Variants in ZNF784 observed in about 807,000 individuals in gnomAD.
The protein encoded by ZNF784 is zinc finger protein 784.
Under a neutral mutation model 3.3 loss-of-function variants are expected in ZNF784, and 5 were observed. That is an observed-to-expected ratio of 1.53 (90% CI 0.80 to 3.22). ZNF784 has a LOEUF of 3.22. Among genes scored for constraint, ZNF784 ranks in the 30% most tolerant of loss-of-function variants. The pLI is 0.00. For missense variants in ZNF784, 501 were observed against 480.7 expected, an observed-to-expected ratio of 1.04 and a Z score of -0.39; for synonymous variants, 231 against 219.6, an observed-to-expected ratio of 1.05 and a Z score of -0.46.
rs959580091 is a variant in ZNF784, at chr19:55,621,997, G to A, written c.726C>T (p.His242=). 3 of 1,594,406 alleles carry A rather than the reference G, an allele frequency of 1.9e-6. No homozygotes were observed. Among genetic ancestry groups the A allele is most frequent in the Middle Eastern group, 2.2e-4 (1 of 4,526 alleles). The change falls in exon 2 of 2, where the codon CAC becomes CAT. Residue 242 remains histidine, a synonymous_variant. Coordinates refer to ENST00000325351, the MANE Select transcript of ZNF784 (RefSeq NM_203374.2). This position sits in a 1 kb window ranked among gnomAD's most constrained non-coding sequence, Gnocchi z 4.1. ...GFTQSSVLSG[H]ARIHTGERPF... Reference sequence around the variant, plus strand: ...GGCGCTCGCCAGTGTGGATGCGGGCGTGGCCGCTAAGCACCGAGGACTGGG... The same window carrying A: ...GGCGCTCGCCAGTGTGGATGCGGGCATGGCCGCTAAGCACCGAGGACTGGG...
intron 1 of ZNF784, among the ~76,000 whole-genome samples, 194 bp downstream of exon 1, chr19:55,624,290 C>A (rs1455225230): frequency 6.8e-6 from 1 of 146,826 alleles, no homozygotes; most frequent in African/African-American, 2.5e-5. Flanking sequence ...GTCCCTCCCC[C>A]ACCCCGCCCA....
chr19:55,621,704 C>A lies in ZNF784; in HGVS notation c.*47G>T. On this transcript the variant is annotated 3_prime_UTR_variant, in exon 2 of 2. Transcript: ENST00000325351. The surrounding 1 kb of genome is among the most constrained non-coding windows in gnomAD (Gnocchi z 4.1). ...CCCCACCCCGTCCCCCTCCCCGGGT[C>A]GGCCTCGTACCTCCGCCTTAACTAA... The A allele has an allele frequency of 1.9e-6, 3 of 1,578,318 alleles. No individual in the cohort carries two copies. Among genetic ancestry groups the A allele is most frequent in the Non-Finnish European group, 2.6e-6 (3 of 1,168,532 alleles).
chr19:55,624,455 C>T (rs774921590), intron 1 of ZNF784, 29 bp downstream of exon 1: 4 of 1,580,684 alleles, frequency 2.5e-6, no homozygotes, highest in East Asian at 2.3e-5. Context: ...ACCTCGAGCC[C>T]CACGCCCAGG....
chr19:55,621,743 T>C lies in ZNF784; in HGVS notation c.*8A>G. On this transcript the variant is annotated 3_prime_UTR_variant, in exon 2 of 2. Transcript: ENST00000325351. This position sits in a 1 kb window ranked among gnomAD's most constrained non-coding sequence, Gnocchi z 4.1. ...CGCCTTAACTAACCCATGTCCCTGG[T>C]CTGCAGCCTACTGGTCGGCCTCCAC... 6.3e-7 allele frequency: 1 copy of C among 1,594,594 alleles called. No homozygotes were observed. The highest frequency in any genetic ancestry group is 8.5e-7 in the Non-Finnish European group (1 of 1,178,430).
At position 55,621,826 on chromosome 19, in the gene ZNF784, G is replaced by T; in HGVS notation, c.897C>A (p.Ser299Arg). 8.8e-7 allele frequency: 1 copy of T among 1,129,992 alleles called. No individual in the cohort carries two copies. Among genetic ancestry groups the T allele is most frequent in the Non-Finnish European group, 1.2e-6 (1 of 826,988 alleles). 70.0% of individuals were successfully genotyped at this position (1,129,992 alleles called of 1,614,324 possible). ...CCGCAGGGTCCCCTACCCCACACCC[G>T]CTCCCCGACCCCTCAGCCGCCGACG... is the stretch of plus-strand genomic sequence containing the variant. ...LGSSAAEGSG[S>R]GCGVGDPAEE... The change falls in exon 2 of 2, where the codon AGC (serine) becomes AGA (arginine). Residue 299 changes from serine (S) to arginine (R), a missense_variant. Transcript: ENST00000325351. The surrounding 1 kb of genome is among the most constrained non-coding windows in gnomAD (Gnocchi z 4.1).
rs1568529165 is a variant in ZNF784 at position 55,621,870 on chromosome 19, A to C, written c.853T>G (p.Ser285Ala). 3.8e-6 allele frequency: 6 copies of C among 1,586,412 alleles called. No individual in the cohort carries two copies. Among genetic ancestry groups the C allele is most frequent in the Non-Finnish European group, 3.4e-6 (4 of 1,173,358 alleles). Residue 285 changes from serine (S) to alanine (A), a missense_variant, in exon 2 of 2, where the codon TCT becomes GCT. Physicochemically the swap from Ser to Ala is moderately conservative, Grantham distance 99 (BLOSUM62 1). Coordinates refer to ENST00000325351, the MANE Select transcript of ZNF784 (RefSeq NM_203374.2). This position sits in a 1 kb window ranked among gnomAD's most constrained non-coding sequence, Gnocchi z 4.1. ...GCCGACGAGCCCAGCTGGCCTCCAGAGTCTCCCAGCCCCGGCCCCGGCCCG... is the reference window on the plus strand; with the variant it reads ...GCCGACGAGCCCAGCTGGCCTCCAGCGTCTCCCAGCCCCGGCCCCGGCCCG... ...FHGPGPGLGDSGGQLGSSAAE... is the reference protein window; with the variant it reads ...FHGPGPGLGDAGGQLGSSAAE...
Position 55,621,467 on chromosome 19 carries a change from T to C in ZNF784, c.*284A>G, listed in dbSNP as rs1981546600. ...CCAAGAGACAGTCGGGGAAGTGACA[T>C]CCAGCCCGTGGGCCTTGCCTTTGGC... On this transcript the variant is annotated 3_prime_UTR_variant, in exon 2 of 2. Coordinates refer to ENST00000325351, the MANE Select transcript of ZNF784 (RefSeq NM_203374.2). The surrounding 1 kb of genome is among the most constrained non-coding windows in gnomAD (Gnocchi z 4.1). 7.3e-6 allele frequency: 4 copies of C among 546,678 alleles called. No individual in the cohort carries two copies. In the Admixed American group the frequency reaches 1.3e-4, roughly 18 times the overall value. 33.9% of individuals were successfully genotyped at this position (546,678 alleles called of 1,614,324 possible).
In ZNF784 at chr19:55,622,859, C is replaced by T. The variant is rs1981621787; in HGVS notation, c.79-215G>A. 6.6e-6 allele frequency among the ~76,000 whole-genome samples: 1 copy of T among 152,098 alleles called. No individual in the cohort carries two copies. Among genetic ancestry groups the T allele is most frequent in the Admixed American group, 6.6e-5 (1 of 15,264 alleles). On this transcript the variant is annotated intron_variant, in intron 1 of 1. Coordinates refer to ENST00000325351, the MANE Select transcript of ZNF784 (RefSeq NM_203374.2). This position sits in a 1 kb window ranked among gnomAD's most constrained non-coding sequence, Gnocchi z 5.9. ...GAGTAGCTGGGATTACAGGCATGCA[C>T]CACCACATCCAGCTAGTTAAAAAAA...
Position 55,621,629 on chromosome 19 carries a change from A to T in ZNF784, c.*122T>A. 7.7e-7 allele frequency: 1 copy of T among 1,297,048 alleles called. No individual in the cohort carries two copies. Among genetic ancestry groups the T allele is most frequent in the Non-Finnish European group, 1.1e-6 (1 of 946,410 alleles). 80.3% of individuals were successfully genotyped at this position (1,297,048 alleles called of 1,614,324 possible). ...ACTAGCGGCTCACAACCATCCCTGC[A>T]GCTGTCATCTCTCCCCCAATCTCCC... On this transcript the variant is annotated 3_prime_UTR_variant, in exon 2 of 2. Coordinates refer to ENST00000325351, the MANE Select transcript of ZNF784 (RefSeq NM_203374.2). The surrounding 1 kb of genome is among the most constrained non-coding windows in gnomAD (Gnocchi z 4.1).
At position 55,624,531 on chromosome 19, in the gene ZNF784, G is replaced by A. The variant is rs372115452; in HGVS notation, c.31C>T (p.Arg11Trp). Residue 11 changes from arginine to tryptophan, a missense_variant, in exon 1 of 2, where the codon CGG becomes TGG. Arg to Trp is a moderately radical substitution (Grantham distance 101, BLOSUM62 -3). Transcript: ENST00000325351. MAAARPEAQS[R>W]SSPTPESRSQ... is the part of the protein sequence containing the mutation. The stretch of plus-strand genomic sequence containing the variant: ...CGCGACTCCGGAGTCGGTGAGCTCC[G>A]ACTCTGGGCCTCTGGGCGCGCAGCG... 5.0e-5 allele frequency: 80 copies of A among 1,601,820 alleles called. 1 individual carries two copies. In the East Asian group the frequency reaches 1.5e-3, roughly 31 times the overall value.
In ZNF784 at chr19:55,621,093, G is replaced by A. The variant is rs1238449644; in HGVS notation, c.*658C>T. ...TGGGTTAAGGACGGACCACAATGGG[G>A]GTGGGGGTTGCCGCTGTTGGAGTCA... is the stretch of plus-strand genomic sequence containing the variant. On this transcript the variant is annotated 3_prime_UTR_variant, in exon 2 of 2. Coordinates refer to ENST00000325351, the MANE Select transcript of ZNF784 (RefSeq NM_203374.2). This position sits in a 1 kb window ranked among gnomAD's most constrained non-coding sequence, Gnocchi z 4.1. 3 of 156,246 alleles carry A rather than the reference G, an allele frequency of 1.9e-5. No homozygotes were observed. The allele number at this position is 156,246 out of a possible 1,614,324, so 9.7% of individuals were successfully genotyped here.
intron 1 of ZNF784, among the ~76,000 whole-genome samples, chr19:55,623,512 G>A (rs1234278105): frequency 6.6e-6 from 1 of 152,186 alleles, no homozygotes; most frequent in Non-Finnish European, 1.5e-5. Context: ...CACCTCCCAG[G>A]AATAGCCTGA....
rs762407677 is a variant in ZNF784, at chr19:55,624,527, C to T, written c.35G>A (p.Ser12Asn). The change falls in exon 1 of 2, where the codon AGC becomes AAC. Residue 12 changes from serine (S) to asparagine (N), a missense_variant. By Grantham distance (46) the Ser-to-Asn change is conservative. Coordinates refer to ENST00000325351, the MANE Select transcript of ZNF784 (RefSeq NM_203374.2). The part of the protein sequence containing the change: ...AAARPEAQSR[S>N]SPTPESRSQE... The stretch of plus-strand genomic sequence containing the variant: ...GGATCGCGACTCCGGAGTCGGTGAG[C>T]TCCGACTCTGGGCCTCTGGGCGCGC... The T allele has an allele frequency of 3.7e-6, 6 of 1,604,002 alleles. No individual in the cohort carries two copies. The highest frequency in any genetic ancestry group is 3.4e-6 in the Non-Finnish European group (4 of 1,176,436).
chr19:55,622,692 CCGCCCCAGCA>C lies in ZNF784; in HGVS notation c.79-58_79-49del. ...GGAGCCTGTGGAACCTGCCTCAGGA[CCGCCCCAGCA>C]CGCCCCAATTATTAAAGCTTGGGCT... is the stretch of plus-strand genomic sequence containing the variant. On this transcript the variant is annotated intron_variant, in intron 1 of 1. Coordinates refer to ENST00000325351, the MANE Select transcript of ZNF784 (RefSeq NM_203374.2). This position sits in a 1 kb window ranked among gnomAD's most constrained non-coding sequence, Gnocchi z 5.9. 22 of 1,450,234 alleles carry C rather than the reference CCGCCCCAGCA, an allele frequency of 1.5e-5. No homozygotes were observed. Among genetic ancestry groups the C allele is most frequent in the Non-Finnish European group, 2.0e-5 (22 of 1,091,542 alleles). 89.8% of individuals were successfully genotyped at this position (1,450,234 alleles called of 1,614,324 possible). A position where few individuals can be genotyped will look rare whatever the true frequency, so the allele number is the denominator to read the frequency against.
At chr19:55,624,167 C>CA (rs1486854760) in intron 1 of ZNF784, among the ~76,000 whole-genome samples, 8 of 151,944 alleles carry the variant, frequency 5.3e-5, no homozygotes, top group Non-Finnish European at 7.4e-5. Flanking sequence ...AGGCTCCACC[C>CA]AAATTATGCA....
At position 55,622,708 on chromosome 19, in the gene ZNF784, C is replaced by A; in HGVS notation, c.79-64G>T. The A allele has an allele frequency of 7.4e-7, 1 of 1,357,908 alleles. No homozygotes were observed. The highest frequency in any genetic ancestry group is 2.6e-5 in the East Asian group (1 of 38,138). 84.1% of individuals were successfully genotyped at this position (1,357,908 alleles called of 1,614,324 possible). On this transcript the variant is annotated intron_variant, in intron 1 of 1. Transcript: ENST00000325351. The surrounding 1 kb of genome is among the most constrained non-coding windows in gnomAD (Gnocchi z 5.9). ...GCCTCAGGACCGCCCCAGCACGCCC[C>A]AATTATTAAAGCTTGGGCTCCTCTG...
chr19:55,622,214 T>C lies in ZNF784; in HGVS notation c.509A>G (p.Gln170Arg), dbSNP rs1417141616. The change falls in exon 2 of 2, where the codon CAG becomes CGG. Residue 170 changes from glutamine (Q) to arginine (R), a missense_variant. Gln to Arg is a conservative substitution (Grantham distance 43). Coordinates refer to ENST00000325351, the MANE Select transcript of ZNF784 (RefSeq NM_203374.2). This position sits in a 1 kb window ranked among gnomAD's most constrained non-coding sequence, Gnocchi z 5.9. Reference sequence around the variant, plus strand: ...CCTCTCCGGGGCCACCCCGGGCCTCTGTTCTGCAACGGCCGCTGTGTCCGG... The same window carrying C: ...CCTCTCCGGGGCCACCCCGGGCCTCCGTTCTGCAACGGCCGCTGTGTCCGG... ...RPPDTAAVAE[Q>R]RPGVAPERAE... is the part of the protein sequence containing the mutation. 4 of 1,534,904 alleles carry C rather than the reference T, an allele frequency of 2.6e-6. No individual in the cohort carries two copies. Among genetic ancestry groups the C allele is most frequent in the East Asian group, 4.9e-5 (2 of 40,870 alleles).
At chr19:55,624,344 C>G in intron 1 of ZNF784, 140 bp downstream of exon 1, 1 of 531,856 alleles carries the variant, frequency 1.9e-6, no homozygotes, top group Non-Finnish European at 3.0e-6. Flanking sequence ...CGCGAAACCA[C>G]AAGAAGCCCC....
intron 1 of ZNF784, among the ~76,000 whole-genome samples, chr19:55,623,061 A>G (rs188064546): frequency 0.011 from 1,692 of 152,290 alleles, 36 homozygotes; most frequent in African/African-American, 0.039. Flanking sequence ...CTGTAATCCC[A>G]GCTACTCGGG....
Sources: allele counts gnomAD v4.1 joint callset (sites outside exome capture counted in the v4.1 genomes callset), GRCh38; gene constraint gnomAD v4.1.1; non-coding constraint Gnocchi (gnomAD v3.1); transcripts MANE v1.5; gene names NCBI Gene and HGNC (gene_info 2026-07-23, HGNC 2026-07-21).